The following ENTHD1 variants were observed in gnomAD, a reference collection of about 807,000 sequenced individuals.
ENTHD1 encodes the protein ENTH domain-containing protein 1.
In ENTHD1, 23 loss-of-function variants were observed where a neutral mutation model predicts 39.1. The observed-to-expected ratio is 0.59, with a 90% CI of 0.42 to 0.83. The LOEUF (loss-of-function observed/expected upper bound fraction) is 0.83. Among genes scored for constraint, ENTHD1 ranks in the 40% least tolerant of loss-of-function variants. ENTHD1 has a pLI of 0.00. For missense variants in ENTHD1, 624 were observed against 705.4 expected, an observed-to-expected ratio of 0.88 and a Z score of 1.31; for synonymous variants, 230 against 258.2, an observed-to-expected ratio of 0.89 and a Z score of 1.05.
chr22:39,751,401 C>G (rs995945904), intron 6 of ENTHD1: 3 of 152,726 alleles, frequency 2.0e-5, no homozygotes, highest in African/African-American at 7.2e-5. Flanking sequence ...AGTCTGCATA[C>G]TGCAATGTAT....
At chr22:39,787,168 G>A (rs1300931848) in intron 5 of ENTHD1, among the ~76,000 whole-genome samples, 1 of 152,060 alleles carries the variant, frequency 6.6e-6, no homozygotes, top group Admixed American at 6.6e-5. Context: ...TAATCATTTT[G>A]GGGTGCCATG....
intron 4 of ENTHD1, among the ~76,000 whole-genome samples, chr22:39,834,110 T>C (rs554387424): frequency 6.6e-6 from 1 of 152,246 alleles, no homozygotes; most frequent in East Asian, 1.9e-4. Context: ...TGACACCAAA[T>C]GCATGATTTT....
chr22:39,827,667 A>G (rs903904075), intron 4 of ENTHD1, among the ~76,000 whole-genome samples: 1 of 152,216 alleles, frequency 6.6e-6, no homozygotes, highest in Admixed American at 6.5e-5. Flanking sequence ...CAGTATTTGC[A>G]AAGATGAGGG....
At chr22:39,862,586 T>C (rs928823709) in intron 2 of ENTHD1, among the ~76,000 whole-genome samples, 1 of 151,590 alleles carries the variant, frequency 6.6e-6, no homozygotes, top group Non-Finnish European at 1.5e-5. Flanking sequence ...AATAATACTT[T>C]GCAATAATCA....
At chr22:39,841,298 A>G (rs1322364853) in intron 3 of ENTHD1, among the ~76,000 whole-genome samples, 1 of 152,200 alleles carries the variant, frequency 6.6e-6, no homozygotes, top group Non-Finnish European at 1.5e-5. Flanking sequence ...TTCCCTAGGA[A>G]ACAGACTCTC....
intron 6 of ENTHD1, among the ~76,000 whole-genome samples, chr22:39,763,163 G>A (rs2065249234): frequency 6.6e-6 from 1 of 152,054 alleles, no homozygotes; most frequent in South Asian, 2.1e-4. Flanking sequence ...AGGCTATCAG[G>A]GGTCCCAGTG....
At position 39,824,203 on chromosome 22, in the gene ENTHD1, T is replaced by TTA. The variant is rs1400841301; in HGVS notation, c.712-3091_712-3090insTA. On this transcript the variant is annotated intron_variant, in intron 4 of 6. Transcript: ENST00000325157. ...AGGGATCATGCTTTTGTCCAGTTCT[T>TTA]TTTTTTTTTTTTTTTTTTTTTTTTG... Among the ~76,000 whole-genome samples the TTA allele has an allele frequency of 4.8e-5, 6 of 125,860 alleles. No individual in the cohort carries two copies. In the East Asian group the frequency reaches 6.6e-4, roughly 14 times the overall value. The allele number at this position is 125,860 out of a possible 152,430, so 82.6% of individuals were successfully genotyped here. A position where few individuals can be genotyped will look rare whatever the true frequency, so the allele number is the denominator to read the frequency against.
chr22:39,791,621 C>A (rs1354653460), intron 5 of ENTHD1, among the ~76,000 whole-genome samples: 1 of 152,052 alleles, frequency 6.6e-6, no homozygotes, highest in Non-Finnish European at 1.5e-5. Flanking sequence ...TGTTCTTGAA[C>A]CCCTGAGCTC....
intron 2 of ENTHD1, among the ~76,000 whole-genome samples, chr22:39,883,003 C>CAAAAAAAAAAAAAA (rs58964198): frequency 8.3e-5 from 4 of 48,254 alleles, no homozygotes; most frequent in African/African-American, 1.3e-4. Flanking sequence ...GACTTCATCT[C>CAAAAAAAAAAAAAA]AAAAAAAAAA....
At chr22:39,780,711 A>T (rs1178803628) in intron 5 of ENTHD1, among the ~76,000 whole-genome samples, 1 of 152,166 alleles carries the variant, frequency 6.6e-6, no homozygotes, top group Non-Finnish European at 1.5e-5. Flanking sequence ...ATAAAAACAA[A>T]TATTAGGCCG....
chr22:39,810,721 A>C (rs367797301), intron 5 of ENTHD1, among the ~76,000 whole-genome samples: 2 of 152,334 alleles, frequency 1.3e-5, no homozygotes, highest in Admixed American at 1.3e-4. Context: ...GGTACCATGC[A>C]TAGCTATAGT....
chr22:39,778,641 T>C (rs955794216), intron 5 of ENTHD1, among the ~76,000 whole-genome samples: 1 of 152,236 alleles, frequency 6.6e-6, no homozygotes, highest in African/African-American at 2.4e-5. Flanking sequence ...ACATGCCCCT[T>C]TGGAAACACC....
chr22:39,887,423 A>G lies in ENTHD1; in HGVS notation c.326T>C (p.Ile109Thr), dbSNP rs17319801. Residue 109 changes from isoleucine to threonine, a missense_variant, in exon 2 of 7, where the codon ATA becomes ACA. By Grantham distance (89) the Ile-to-Thr change is moderately conservative. Coordinates refer to ENST00000325157, the MANE Select transcript of ENTHD1 (RefSeq NM_152512.4). ...NLQTLKDFQH[I>T]DEAGKDQGYY... is the part of the protein sequence containing the mutation. ...ACCTTGGTCTTTTCCAGCTTCATCT[A>G]TGTGCTGAAAATCTTTTAGTGTTTG... 75,803 of 1,610,882 alleles carry G rather than the reference A, an allele frequency of 0.047. 2,053 individuals carry two copies. Among genetic ancestry groups the G allele is most frequent in the Admixed American group, 0.079 (4,704 of 59,512 alleles).
intron 3 of ENTHD1, among the ~76,000 whole-genome samples, chr22:39,850,267 C>T (rs1339323176): frequency 1.3e-5 from 2 of 152,222 alleles, no homozygotes; most frequent in East Asian, 1.9e-4. Flanking sequence ...TGGGTATATT[C>T]ACATTTAGAA....
chr22:39,834,083 CA>C (rs949884262), intron 4 of ENTHD1, among the ~76,000 whole-genome samples: 1 of 151,872 alleles, frequency 6.6e-6, no homozygotes, highest in African/African-American at 2.4e-5. Context: ...ATTGTTTAGG[CA>C]AAGAGTTCTT....
chr22:39,831,466 T>G (rs1220729519), intron 4 of ENTHD1, among the ~76,000 whole-genome samples: 1 of 152,114 alleles, frequency 6.6e-6, no homozygotes, highest in Non-Finnish European at 1.5e-5. Flanking sequence ...AAGATGAGCT[T>G]ATAATCCAAT....
At chr22:39,888,425 G>C (rs1230555371) in intron 1 of ENTHD1, among the ~76,000 whole-genome samples, 2 of 151,330 alleles carry the variant, frequency 1.3e-5, no homozygotes, top group Non-Finnish European at 2.9e-5. Context: ...GCGCCACCAT[G>C]CCTGGCTATT....
chr22:39,834,239 CAAAG>C (rs2146674010), intron 4 of ENTHD1, among the ~76,000 whole-genome samples: 1 of 152,004 alleles, frequency 6.6e-6, no homozygotes, highest in South Asian at 2.1e-4. Flanking sequence ...ACATATCTGA[CAAAG>C]AACTTATATC....
At chr22:39,883,855 C>CAAAAAAAAA in intron 2 of ENTHD1, among the ~76,000 whole-genome samples, 1 of 68,588 alleles carries the variant, frequency 1.5e-5, no homozygotes, top group Non-Finnish European at 2.7e-5. Context: ...CTCTGTCCCA[C>CAAAAAAAAA]AAAAAAAAAA....
Sources: allele counts gnomAD v4.1 joint callset (sites outside exome capture counted in the v4.1 genomes callset), GRCh38; gene constraint gnomAD v4.1.1; transcripts MANE v1.5; gene names NCBI Gene and HGNC (gene_info 2026-07-23, HGNC 2026-07-21).